Variants in SCRG1 observed in about 807,000 individuals in gnomAD.
SCRG1 encodes the protein stimulator of chondrogenesis 1, also known as scrapie-responsive protein 1.
A neutral mutation model predicts 7.7 loss-of-function variants in SCRG1; 3 were observed. The observed-to-expected ratio is 0.39, with a 90% CI of 0.18 to 1.01. The LOEUF is 1.01. Ranked by LOEUF, SCRG1 falls within the 50% of genes least tolerant of loss-of-function variation. The pLI is 0.36. For synonymous variants in SCRG1, 46 were observed against 41.2 expected (o/e 1.12, Z -0.44); for missense variants, 110 against 117.2 (o/e 0.94, Z 0.28).
chr4:173,483,692 G>GATATATC, the SCRG1 span, among the ~76,000 whole-genome samples: 1 of 2,856 alleles, frequency 3.5e-4, no homozygotes, highest in African/African-American at 5.1e-4. Context: ...ATTATATTGT[G>GATATATC]ATATATCATA....
the SCRG1 span, among the ~76,000 whole-genome samples, chr4:173,461,261 G>A: frequency 6.6e-6 from 1 of 152,142 alleles, no homozygotes; most frequent in Non-Finnish European, 1.5e-5. Flanking sequence ...AGCAGGCCTT[G>A]GGTGAGACCC....
At chr4:173,513,209 T>G in the SCRG1 span, among the ~76,000 whole-genome samples, 1 of 152,210 alleles carries the variant, frequency 6.6e-6, no homozygotes, top group Non-Finnish European at 1.5e-5. Context: ...TCTCACTTTT[T>G]TACTTCTTTT....
the SCRG1 span, among the ~76,000 whole-genome samples, chr4:173,503,924 T>C: frequency 6.6e-6 from 1 of 152,304 alleles, no homozygotes; most frequent in East Asian, 1.9e-4. This position sits in a 1 kb window ranked among gnomAD's most constrained non-coding sequence, Gnocchi z 6.4. Flanking sequence ...GTGGGGATAG[T>C]AAGTTTTCTT....
chr4:173,496,382 T>C, the SCRG1 span, among the ~76,000 whole-genome samples: 1 of 152,048 alleles, frequency 6.6e-6, no homozygotes, highest in Non-Finnish European at 1.5e-5. Context: ...TTACAGTTGC[T>C]AGGTTATTAG....
the SCRG1 span, among the ~76,000 whole-genome samples, chr4:173,482,882 G>A: frequency 7.4e-6 from 1 of 134,676 alleles, no homozygotes. Context: ...TTTTTTATAT[G>A]TTATATATTA....
the SCRG1 span, among the ~76,000 whole-genome samples, chr4:173,418,466 C>A: frequency 6.6e-6 from 1 of 152,222 alleles, no homozygotes; most frequent in South Asian, 2.1e-4. Flanking sequence ...AGTCAACCTG[C>A]AGCCCTCATG....
the SCRG1 span, among the ~76,000 whole-genome samples, chr4:173,492,616 A>G: frequency 2.0e-5 from 3 of 152,188 alleles, no homozygotes; most frequent in Non-Finnish European, 4.4e-5. Flanking sequence ...CTGGAGGAGT[A>G]GAGTCAGCGG....
chr4:173,400,187 T>C (rs1426013318), upstream of SCRG1, among the ~76,000 whole-genome samples: 1 of 152,226 alleles, frequency 6.6e-6, no homozygotes, highest in African/African-American at 2.4e-5. Context: ...TACCGGCTTT[T>C]GCTGTAGTCC....
chr4:173,415,839 C>T, the SCRG1 span, among the ~76,000 whole-genome samples: 2 of 152,222 alleles, frequency 1.3e-5, no homozygotes, highest in Non-Finnish European at 2.9e-5. Context: ...AAATCCATTG[C>T]TCCTTCCACT....
chr4:173,497,982 C>A, the SCRG1 span, among the ~76,000 whole-genome samples: 1 of 152,196 alleles, frequency 6.6e-6, no homozygotes, highest in African/African-American at 2.4e-5. Context: ...ACCCAGCCTA[C>A]CTTACTCTTA....
the SCRG1 span, among the ~76,000 whole-genome samples, chr4:173,477,443 T>G: frequency 6.6e-6 from 1 of 152,206 alleles, no homozygotes; most frequent in South Asian, 2.1e-4. Context: ...ATTCCCAAAA[T>G]GTTTTGGGGT....
chr4:173,417,313 T>C, the SCRG1 span, among the ~76,000 whole-genome samples: 1 of 152,234 alleles, frequency 6.6e-6, no homozygotes, highest in African/African-American at 2.4e-5. Context: ...AGAGATCATT[T>C]AGACAGATGC....
At chr4:173,474,715 A>G in the SCRG1 span, among the ~76,000 whole-genome samples, 4 of 152,228 alleles carry the variant, frequency 2.6e-5, no homozygotes, top group Non-Finnish European at 5.9e-5. Context: ...AACATTTCCC[A>G]GGAAAGACAC....
the SCRG1 span, chr4:173,419,450 C>G: frequency 1.0e-6 from 1 of 991,356 alleles, no homozygotes; most frequent in Non-Finnish European, 1.6e-6. Context: ...TGGAGTTACG[C>G]TGTTCTTTGT....
At chr4:173,483,486 T>G in the SCRG1 span, among the ~76,000 whole-genome samples, 3 of 86,264 alleles carry the variant, frequency 3.5e-5, 1 homozygote, top group African/African-American at 1.8e-4. Flanking sequence ...TGATATATAA[T>G]ATATTATATA....
At chr4:173,462,685 A>C in the SCRG1 span, among the ~76,000 whole-genome samples, 3 of 152,212 alleles carry the variant, frequency 2.0e-5, no homozygotes, top group Admixed American at 1.3e-4. Flanking sequence ...TGTGGTGTGT[A>C]AGCTACTCTT....
chr4:173,400,064 A>G (rs138468167), upstream of SCRG1, among the ~76,000 whole-genome samples: 1,205 of 152,340 alleles, frequency 7.9e-3, 6 homozygotes, highest in Non-Finnish European at 0.014. Flanking sequence ...AATTGTTTTT[A>G]TCGTGAAGAT....
At chr4:173,467,530 T>G in the SCRG1 span, among the ~76,000 whole-genome samples, 1 of 152,190 alleles carries the variant, frequency 6.6e-6, no homozygotes, top group African/African-American at 2.4e-5. Flanking sequence ...GAGGCCAGAT[T>G]TTTGTCTTGG....
chr4:173,406,970 G>A (rs767561906), upstream of SCRG1, among the ~76,000 whole-genome samples: 1 of 152,266 alleles, frequency 6.6e-6, no homozygotes, highest in South Asian at 2.1e-4. Flanking sequence ...CACTTTGGGG[G>A]GCCGAGATGG....
Sources: gnomAD v4.1 joint callset for allele counts (sites outside exome capture counted in the v4.1 genomes callset) on GRCh38, gnomAD v4.1.1 for gene constraint, Gnocchi (gnomAD v3.1) non-coding constraint, MANE v1.5 for transcripts, NCBI Gene and HGNC (gene_info 2026-07-23, HGNC 2026-07-21) for gene names.